The following CD99L2 variants were observed in gnomAD, a reference collection of about 807,000 sequenced individuals.
The protein encoded by CD99L2 is CD99 molecule like 2.
A neutral mutation model predicts 27.3 loss-of-function variants in CD99L2; 24 were observed. The ratio of observed to expected loss-of-function variants is 0.88; its 90% CI spans 0.64 to 1.24. The LOEUF is 1.24. Among genes scored for constraint, CD99L2 ranks in the 50% most tolerant of loss-of-function variants. The probability of loss-of-function intolerance (pLI) is 0.00; values close to 1 mark genes in which losing one functional copy is unlikely to be tolerated. For synonymous variants in CD99L2, 97 were observed against 87.9 expected (o/e 1.10, Z -0.58); for missense variants, 255 against 221.6 (o/e 1.15, Z -0.96).
Position 150,848,756 on chromosome X carries a change from A to C in CD99L2, c.68-17463T>G, listed in dbSNP as rs1343881653. Among the ~76,000 whole-genome samples, 3 of 110,468 alleles carry C rather than the reference A, an allele frequency of 2.7e-5. No individual in the cohort carries two copies. In the East Asian group the frequency reaches 8.6e-4, roughly 32 times the overall value. On this transcript the variant is annotated intron_variant, in intron 1 of 10. Coordinates refer to ENST00000370377, the MANE Select transcript of CD99L2 (RefSeq NM_031462.4). The stretch of plus-strand genomic sequence containing the variant: ...GAGGATGAGCTGACCAACCTCAGAA[A>C]CCTCCTCCCCCTCAGAATTCACTGG...
chrX:150,838,683 A>AG (rs2124260265), intron 1 of CD99L2, among the ~76,000 whole-genome samples: 1 of 107,404 alleles, frequency 9.3e-6, no homozygotes, highest in African/African-American at 3.4e-5. Flanking sequence ...GAGGTTAAAA[A>AG]AAAAAAAAAA....
In CD99L2 at chrX:150,898,666, G is replaced by A. The variant is rs1379645431; in HGVS notation, c.-78C>T. On this transcript the variant is annotated 5_prime_UTR_variant, in exon 1 of 11. Coordinates refer to ENST00000370377, the MANE Select transcript of CD99L2 (RefSeq NM_031462.4). ...CGAAGGGGAGGCCGAGGAGGAGCGG[G>A]AGGAGGAGCCCCGCCGCCTCTGCAG... 2.7e-5 allele frequency: 25 copies of A among 936,970 alleles called. No individual in the cohort carries two copies. Among genetic ancestry groups the A allele is most frequent in the Non-Finnish European group, 3.1e-5 (22 of 717,229 alleles). 77.2% of individuals were successfully genotyped at this position (936,970 alleles called of 1,213,427 possible). A position where few individuals can be genotyped will look rare whatever the true frequency, so the allele number is the denominator to read the frequency against.
intron 2 of CD99L2, among the ~76,000 whole-genome samples, chrX:150,823,442 C>A (rs150696818): frequency 2.7e-5 from 3 of 110,196 alleles, no homozygotes; most frequent in Non-Finnish European, 5.7e-5. Flanking sequence ...TGTGCCACCA[C>A]GCCCAGCTAA....
chrX:150,838,861 A>G (rs2124261071), intron 1 of CD99L2, among the ~76,000 whole-genome samples: 1 of 95,321 alleles, frequency 1.0e-5, no homozygotes, highest in African/African-American at 3.8e-5. Flanking sequence ...AGCGGAAAAC[A>G]TGAACTTTAA....
intron 1 of CD99L2, among the ~76,000 whole-genome samples, chrX:150,883,283 C>T (rs2047360266): frequency 8.9e-6 from 1 of 112,395 alleles, no homozygotes; most frequent in African/African-American, 3.2e-5. Flanking sequence ...AGTCCATGCA[C>T]ATGCAGCCAC....
At chrX:150,835,909 C>T (rs1557421182) in intron 1 of CD99L2, among the ~76,000 whole-genome samples, 1 of 111,072 alleles carries the variant, frequency 9.0e-6, no homozygotes, top group Non-Finnish European at 1.9e-5. Flanking sequence ...CCACCCCACC[C>T]CAGGTCTCAC....
chrX:150,780,133 T>C (rs1354673263), intron 7 of CD99L2, among the ~76,000 whole-genome samples: 2 of 111,867 alleles, frequency 1.8e-5, no homozygotes, highest in Non-Finnish European at 3.8e-5. Flanking sequence ...CAAAGAGACA[T>C]ACAAATGGCC....
chrX:150,779,202 C>T (rs2045469408), intron 7 of CD99L2, among the ~76,000 whole-genome samples: 1 of 112,153 alleles, frequency 8.9e-6, no homozygotes, highest in Non-Finnish European at 1.9e-5. Context: ...GGTCGAACCC[C>T]TTCCTAATTT....
intron 1 of CD99L2, among the ~76,000 whole-genome samples, chrX:150,860,662 T>C (rs2046961079): frequency 8.9e-6 from 1 of 111,862 alleles, no homozygotes; most frequent in Admixed American, 9.5e-5. Context: ...AGCATTTCTA[T>C]ACACAAATAA....
intron 1 of CD99L2, among the ~76,000 whole-genome samples, chrX:150,865,893 G>A (rs2047052978): frequency 8.9e-6 from 1 of 112,478 alleles, no homozygotes; most frequent in South Asian, 3.6e-4. Context: ...GGCCGAGATG[G>A]GAGGATTGCT....
intron 7 of CD99L2, among the ~76,000 whole-genome samples, chrX:150,786,396 C>T (rs1485757228): frequency 9.1e-6 from 1 of 110,341 alleles, no homozygotes; most frequent in African/African-American, 3.3e-5. Context: ...CTTGATAGGC[C>T]CCAGAGTGTG....
At chrX:150,812,935 T>C (rs2046093869) in intron 4 of CD99L2, among the ~76,000 whole-genome samples, 1 of 111,976 alleles carries the variant, frequency 8.9e-6, no homozygotes, top group South Asian at 3.7e-4. Context: ...CAAAGGGTTA[T>C]CTACTTTATA....
chrX:150,887,049 G>A (rs191213930), intron 1 of CD99L2, among the ~76,000 whole-genome samples: 69 of 109,447 alleles, frequency 6.3e-4, no homozygotes, highest in Non-Finnish European at 1.0e-3. Context: ...GGAGGCTGAC[G>A]TGGGAAGATC....
intron 1 of CD99L2, among the ~76,000 whole-genome samples, chrX:150,855,209 T>G (rs984192362): frequency 9.0e-6 from 1 of 111,653 alleles, no homozygotes; most frequent in Non-Finnish European, 1.9e-5. Flanking sequence ...GGAAATAGGG[T>G]CACTACAGAT....
chrX:150,878,208 C>G (rs965631670), intron 1 of CD99L2, among the ~76,000 whole-genome samples: 3 of 109,558 alleles, frequency 2.7e-5, no homozygotes, highest in Non-Finnish European at 5.7e-5. Context: ...CATGGTGGCA[C>G]ATGCCTGTAA....
intron 1 of CD99L2, among the ~76,000 whole-genome samples, chrX:150,849,397 T>A (rs1490929577): frequency 5.4e-5 from 6 of 110,862 alleles, no homozygotes; most frequent in African/African-American, 2.0e-4. Flanking sequence ...ATAAAATTTT[T>A]AAAAAATTAA....
intron 1 of CD99L2, among the ~76,000 whole-genome samples, chrX:150,881,095 G>T (rs1200908381): frequency 9.0e-6 from 1 of 111,138 alleles, no homozygotes; most frequent in Non-Finnish European, 1.9e-5. Context: ...GAGCTGCCTG[G>T]CTGTGGCTGG....
intron 4 of CD99L2, among the ~76,000 whole-genome samples, chrX:150,813,797 G>A (rs1472900613): frequency 1.8e-5 from 2 of 111,931 alleles, no homozygotes; most frequent in African/African-American, 6.5e-5. Context: ...AAAGTGAATT[G>A]AAGAGTAATT....
intron 2 of CD99L2, chrX:150,829,448 G>A: frequency 3.0e-6 from 1 of 330,840 alleles, no homozygotes; most frequent in Non-Finnish European, 5.9e-6. Context: ...AGAGCCACCA[G>A]AAGTGGGGAA....
Sources: allele counts gnomAD v4.1 joint callset (sites outside exome capture counted in the v4.1 genomes callset), GRCh38; gene constraint gnomAD v4.1.1; transcripts MANE v1.5; gene names NCBI Gene and HGNC (gene_info 2026-07-23, HGNC 2026-07-21).